The following PPIL6 variants were observed in gnomAD, a reference collection of about 807,000 sequenced individuals.
PPIL6 encodes the protein probable inactive peptidyl-prolyl cis-trans isomerase-like 6.
A neutral mutation model predicts 36.8 loss-of-function variants in PPIL6; 39 were observed. The observed-to-expected ratio is 1.06, with a 90% confidence interval of 0.82 to 1.38. The LOEUF is 1.38. PPIL6 is among the 40% of genes most tolerant of loss of function. The probability of loss-of-function intolerance (pLI) is 0.00; values close to 1 mark genes in which losing one functional copy is unlikely to be tolerated. For missense variants in PPIL6, 368 were observed against 379.1 expected (o/e 0.97, Z 0.24); for synonymous variants, 123 against 134.1 (o/e 0.92, Z 0.57).
chr6:109,407,429 C>T (rs1056864665), intron 6 of PPIL6, among the ~76,000 whole-genome samples: 5 of 152,018 alleles, frequency 3.3e-5, no homozygotes, highest in Admixed American at 2.0e-4. Context: ...TTAGTATAGA[C>T]GGGGTTTTGC....
intron 6 of PPIL6, among the ~76,000 whole-genome samples, chr6:109,412,101 G>A (rs74433689): frequency 0.043 from 6,519 of 152,254 alleles, 385 homozygotes; most frequent in African/African-American, 0.13. Flanking sequence ...TACTGTTGCC[G>A]AGGCAACACC....
intron 7 of PPIL6, among the ~76,000 whole-genome samples, chr6:109,393,731 T>C (rs908634623): frequency 2.6e-5 from 4 of 151,866 alleles, no homozygotes; most frequent in Non-Finnish European, 5.9e-5. Context: ...TTTCAGTACC[T>C]CAAGAGCTCC....
chr6:109,417,232 C>T (rs1773310054), intron 6 of PPIL6, among the ~76,000 whole-genome samples: 1 of 151,478 alleles, frequency 6.6e-6, no homozygotes, highest in South Asian at 2.1e-4. Flanking sequence ...AAGGTTTTCA[C>T]ACCTGATGGT....
At chr6:109,419,947 T>G (rs1773456325) in intron 5 of PPIL6, among the ~76,000 whole-genome samples, 2 of 152,162 alleles carry the variant, frequency 1.3e-5, no homozygotes, top group East Asian at 3.8e-4. Context: ...TAAATTCTGC[T>G]TTCTTCATAA....
chr6:109,440,426 C>G, intron 1 of PPIL6, 30 bp downstream of exon 1: 1 of 1,534,912 alleles, frequency 6.5e-7, no homozygotes, highest in African/African-American at 1.4e-5. Flanking sequence ...CGGGGAGGGC[C>G]GCCCACGACG....
intron 2 of PPIL6, among the ~76,000 whole-genome samples, chr6:109,431,936 T>C (rs777970300): frequency 6.6e-6 from 1 of 152,226 alleles, no homozygotes; most frequent in Admixed American, 6.5e-5. Context: ...CTTGGAAATG[T>C]GTCCTGGGCT....
intron 2 of PPIL6, among the ~76,000 whole-genome samples, chr6:109,434,460 ACTGT>A (rs1222275794): frequency 2.0e-5 from 3 of 152,078 alleles, no homozygotes; most frequent in Non-Finnish European, 2.9e-5. Flanking sequence ...TGTCTAGAAT[ACTGT>A]CTGTCATATA....
chr6:109,440,354 C>G (rs1000992004), intron 1 of PPIL6, 102 bp downstream of exon 1: 127 of 1,404,552 alleles, frequency 9.0e-5, no homozygotes, highest in Non-Finnish European at 1.2e-4. Flanking sequence ...CCGGTGGGGC[C>G]TCGACCCCCG....
intron 6 of PPIL6, among the ~76,000 whole-genome samples, chr6:109,401,226 T>C (rs1772524081): frequency 6.6e-6 from 1 of 152,062 alleles, no homozygotes; most frequent in East Asian, 1.9e-4. Flanking sequence ...GACCAAGATT[T>C]TGTGGAAAGC....
At chr6:109,407,852 TCTTG>T (rs1562259787) in intron 6 of PPIL6, among the ~76,000 whole-genome samples, 1 of 152,078 alleles carries the variant, frequency 6.6e-6, no homozygotes, top group Non-Finnish European at 1.5e-5. Flanking sequence ...TGAGATGGGG[TCTTG>T]CTATGTTGCC....
chr6:109,403,126 T>TAATTTA, intron 6 of PPIL6: 1 of 1,457,644 alleles, frequency 6.9e-7, no homozygotes, highest in Non-Finnish European at 9.1e-7. Flanking sequence ...TAAAGAGCTA[T>TAATTTA]AATTTAAATT....
chr6:109,397,464 T>G (rs959126859), intron 7 of PPIL6, among the ~76,000 whole-genome samples: 1 of 152,230 alleles, frequency 6.6e-6, no homozygotes, highest in African/African-American at 2.4e-5. Context: ...CACTGTCACA[T>G]AGCTATTGGC....
chr6:109,434,535 T>C (rs1161505765), intron 2 of PPIL6, among the ~76,000 whole-genome samples: 1 of 152,196 alleles, frequency 6.6e-6, no homozygotes, highest in African/African-American at 2.4e-5. Flanking sequence ...TTTAAGGCTA[T>C]GAACATGTGA....
rs769210326 is a variant in PPIL6, at chr6:109,400,150, G to A, written c.709C>T (p.His237Tyr). 1.6e-4 allele frequency: 255 copies of A among 1,612,336 alleles called. No homozygotes were observed. Among genetic ancestry groups the A allele is most frequent in the Non-Finnish European group, 2.1e-4 (246 of 1,178,954 alleles). ...ATTCCAAGTACTCCTCTTTTATTATGAGGAACTGAAAAGTTTTCATCTAGG... is the reference window on the plus strand; with the variant it reads ...ATTCCAAGTACTCCTCTTTTATTATAAGGAACTGAAAAGTTTTCATCTAGG... The part of the protein sequence containing the change: ...TFEDENFSVP[H>Y]NKRGVLGMAN... Residue 237 changes from histidine (H) to tyrosine (Y), a missense_variant, in exon 7 of 8, where the codon CAT (histidine) becomes TAT (tyrosine). Transcript: ENST00000521072.
At chr6:109,411,090 T>C (rs1024063495) in intron 6 of PPIL6, among the ~76,000 whole-genome samples, 13 of 152,206 alleles carry the variant, frequency 8.5e-5, no homozygotes, top group Admixed American at 3.3e-4. Context: ...AGCTTTCCCT[T>C]GTATATCAAA....
Position 109,407,240 on chromosome 6 carries a change from C to CTT in PPIL6, c.689-7072_689-7071dup, listed in dbSNP as rs111574045. 1.4e-3 allele frequency among the ~76,000 whole-genome samples: 209 copies of CTT among 144,758 alleles called. 2 individuals carry two copies. Among genetic ancestry groups the CTT allele is most frequent in the Middle Eastern group, 3.7e-3 (1 of 272 alleles). The allele number at this position is 144,758 out of a possible 152,430, so 95.0% of individuals were successfully genotyped here. On this transcript the variant is annotated intron_variant, in intron 6 of 7. Coordinates refer to ENST00000521072, the MANE Select transcript of PPIL6 (RefSeq NM_173672.5). The stretch of plus-strand genomic sequence containing the variant: ...GTCATGTTCAGGACTATGGAATATT[C>CTT]TTTTTTTTTTTTTTCTTGAGATGGA...
intron 2 of PPIL6, among the ~76,000 whole-genome samples, chr6:109,435,401 G>A (rs764158696): frequency 1.3e-5 from 2 of 150,972 alleles, no homozygotes; most frequent in Non-Finnish European, 2.9e-5. Flanking sequence ...TGGTTCAAGC[G>A]ATTCTCCTGC....
chr6:109,392,599 GCCA>G lies in PPIL6; in HGVS notation c.*224_*226del, dbSNP rs1772134276. 2 of 450,358 alleles carry G rather than the reference GCCA, an allele frequency of 4.4e-6. No individual in the cohort carries two copies. Among genetic ancestry groups the G allele is most frequent in the African/African-American group, 4.1e-5 (2 of 49,020 alleles). 27.9% of individuals were successfully genotyped at this position (450,358 alleles called of 1,614,324 possible). ...CCACTGGCCAGAACCATCTCTCATG[GCCA>G]CCCGTGGCTGCAAAGGAGTCTAGGA... On this transcript the variant is annotated 3_prime_UTR_variant, in exon 8 of 8. Coordinates refer to ENST00000521072, the MANE Select transcript of PPIL6 (RefSeq NM_173672.5).
At chr6:109,421,431 T>C (rs1773533439) in intron 5 of PPIL6, among the ~76,000 whole-genome samples, 1 of 152,334 alleles carries the variant, frequency 6.6e-6, no homozygotes, top group East Asian at 1.9e-4. Context: ...ACAGGGATAA[T>C]GGTAACTGCC....
Sources: gnomAD v4.1 joint callset for allele counts (sites outside exome capture counted in the v4.1 genomes callset) on GRCh38, gnomAD v4.1.1 for gene constraint, MANE v1.5 for transcripts, NCBI Gene and HGNC (gene_info 2026-07-23, HGNC 2026-07-21) for gene names.